XPO4: variants seen among roughly 807,000 people sequenced by gnomAD.
The protein encoded by XPO4 is exportin-4.
In XPO4, 39 loss-of-function variants were observed where a neutral mutation model predicts 143.0. The ratio of observed to expected loss-of-function variants is 0.27; its 90% CI spans 0.21 to 0.36. The LOEUF (loss-of-function observed/expected upper bound fraction) is 0.36. XPO4 is among the 10% of genes least tolerant of loss of function. XPO4 has a pLI of 1.00. For synonymous variants in XPO4, 439 were observed against 474.0 expected, an observed-to-expected ratio of 0.93 and a Z score of 0.96; for missense variants, 907 against 1,348.0, an observed-to-expected ratio of 0.67 and a Z score of 5.12.
At chr13:20,855,845 A>G (rs2060138191) in intron 3 of XPO4, 80 bp from the exon 4 acceptor site, 3 of 1,380,462 alleles carry the variant, frequency 2.2e-6, no homozygotes, top group Non-Finnish European at 2.9e-6. Context: ...CTATGCCTGA[A>G]GCTACTAATA....
chr13:20,795,718 C>T (rs1034900016), intron 18 of XPO4, among the ~76,000 whole-genome samples: 4 of 152,128 alleles, frequency 2.6e-5, no homozygotes, highest in Admixed American at 6.5e-5. Context: ...GGATTTGAAT[C>T]CCAGTCCTGG....
At position 20,782,250 on chromosome 13, in the gene XPO4, G is replaced by C. The variant is rs1253969871; in HGVS notation, c.*1472C>G. 6.6e-6 allele frequency: 1 copy of C among 152,256 alleles called. No homozygotes were observed. Among genetic ancestry groups the C allele is most frequent in the African/African-American group, 2.4e-5 (1 of 41,470 alleles). 9.4% of individuals were successfully genotyped at this position (152,256 alleles called of 1,614,324 possible). A position where few individuals can be genotyped will look rare whatever the true frequency, so the allele number is the denominator to read the frequency against. On this transcript the variant is annotated 3_prime_UTR_variant, in exon 23 of 23. Transcript: ENST00000255305. ...ATTTGCAGAATGGTTTAATAGATAG[G>C]TGTCAGGAACATGGTGGAAGCAGAG...
At chr13:20,787,428 G>GACC in intron 21 of XPO4, 53 bp downstream of exon 21, 1 of 1,514,102 alleles carries the variant, frequency 6.6e-7, no homozygotes, top group Non-Finnish European at 9.2e-7. Flanking sequence ...TATGTGCACC[G>GACC]ACCACACTTT....
rs1291588383 is a variant in XPO4, at chr13:20,796,614, GTTC to G, written c.2616+147_2616+149del. On this transcript the variant is annotated intron_variant, in intron 17 of 22. Transcript: ENST00000255305. ...CAACATGACTTTCTCTAAATTATAA[GTTC>G]TTTTCAAAAATCTTTTTTAAAAATC... 6.0e-5 allele frequency: 43 copies of G among 716,098 alleles called. No individual in the cohort carries two copies. The Middle Eastern group carries it at 2.2e-3, about 37-fold the overall frequency. 44.4% of individuals were successfully genotyped at this position (716,098 alleles called of 1,614,324 possible). A position where few individuals can be genotyped will look rare whatever the true frequency, so the allele number is the denominator to read the frequency against.
chr13:20,783,722 T>C lies in XPO4; in HGVS notation c.3456A>G (p.Ter1152=). ...ANVGGLLCVK[*] ...TAAATTAAGCATAAAGTTCTGTTGT[T>C]TATTTTACACAAAGGAGACCACCAA... The change falls in exon 23 of 23, where the codon TAA becomes TAG. Residue 1152 remains the stop codon, a stop_retained_variant. Coordinates refer to ENST00000255305, the MANE Select transcript of XPO4 (RefSeq NM_022459.5). The C allele has an allele frequency of 6.2e-7, 1 of 1,614,126 alleles. No individual in the cohort carries two copies.
In XPO4 at chr13:20,812,897, A is replaced by G. The variant is rs981867477; in HGVS notation, c.1174-2930T>C. ...TTTAAATACAGAAAAAAAGTGAAAAAGCCATAAAAAAGAATAGATCTGTGT... is the reference window on the plus strand; with the variant it reads ...TTTAAATACAGAAAAAAAGTGAAAAGGCCATAAAAAAGAATAGATCTGTGT... On this transcript the variant is annotated intron_variant, in intron 9 of 22. Coordinates refer to ENST00000255305, the MANE Select transcript of XPO4 (RefSeq NM_022459.5). Among the ~76,000 whole-genome samples, 4 of 152,296 alleles carry G rather than the reference A, an allele frequency of 2.6e-5. No homozygotes were observed. The East Asian group carries it at 7.7e-4, about 29-fold the overall frequency.
At chr13:20,804,439 A>G (rs2059477696) in intron 13 of XPO4, among the ~76,000 whole-genome samples, 1 of 152,196 alleles carries the variant, frequency 6.6e-6, no homozygotes, top group Admixed American at 6.5e-5. Flanking sequence ...TGCAAGATCC[A>G]AGAACCCTCA....
chr13:20,787,819 T>C (rs1256974191), intron 20 of XPO4, among the ~76,000 whole-genome samples: 1 of 152,190 alleles, frequency 6.6e-6, no homozygotes, highest in Non-Finnish European at 1.5e-5. Context: ...TGGTGATGTA[T>C]AGCTTGTTTC....
At chr13:20,826,985 G>T in intron 7 of XPO4, 82 bp downstream of exon 7, 2 of 920,386 alleles carry the variant, frequency 2.2e-6, no homozygotes, top group Non-Finnish European at 3.6e-6. Context: ...AAAGCAATCT[G>T]TTCTGTTTTA....
intron 4 of XPO4, chr13:20,848,393 T>G: frequency 1.0e-6 from 1 of 985,398 alleles, no homozygotes. Flanking sequence ...TGACCTCAGC[T>G]TTCTCATCTA....
Position 20,902,033 on chromosome 13 carries a change from A to C in XPO4, c.69+637T>G, listed in dbSNP as rs561677591. The C allele has an allele frequency of 9.1e-5, 88 of 963,908 alleles. No homozygotes were observed. The African/African-American group carries it at 1.1e-3, about 12-fold the overall frequency. 59.7% of individuals were successfully genotyped at this position (963,908 alleles called of 1,614,324 possible). A position where few individuals can be genotyped will look rare whatever the true frequency, so the allele number is the denominator to read the frequency against. On this transcript the variant is annotated intron_variant, in intron 1 of 22. Transcript: ENST00000255305. ...TAAGCATGAAGTCAAAGAGTAGCAT[A>C]GACTCAGTTCTCCAAATCGCGGGAG...
intron 2 of XPO4, chr13:20,863,189 A>G: frequency 1.1e-6 from 1 of 900,110 alleles, no homozygotes; most frequent in Non-Finnish European, 1.3e-6. Context: ...AAATTTCCTA[A>G]GATTCTCACC....
At chr13:20,868,384 TA>T (rs2060262991) in intron 2 of XPO4, 6 of 673,432 alleles carry the variant, frequency 8.9e-6, no homozygotes, top group Non-Finnish European at 1.3e-5. Context: ...ACACTATATC[TA>T]GGGGGGAAAA....
chr13:20,891,122 TAAAAAAAAAA>T lies in XPO4; in HGVS notation c.69+11538_69+11547del, dbSNP rs57528913. Among the ~76,000 whole-genome samples, 24 of 85,972 alleles carry T rather than the reference TAAAAAAAAAA, an allele frequency of 2.8e-4. 1 individual carries two copies. Among genetic ancestry groups the T allele is most frequent in the Admixed American group, 1.9e-3 (13 of 6,850 alleles). The allele number at this position is 85,972 out of a possible 152,430, so 56.4% of individuals were successfully genotyped here. A position where few individuals can be genotyped will look rare whatever the true frequency, so the allele number is the denominator to read the frequency against. ...ACAAGAGCAAAACTCCATCTCAATT[TAAAAAAAAAA>T]AAAAAAAAAAAAAAAAAAGAACAAA... On this transcript the variant is annotated intron_variant, in intron 1 of 22. Coordinates refer to ENST00000255305, the MANE Select transcript of XPO4 (RefSeq NM_022459.5).
intron 9 of XPO4, among the ~76,000 whole-genome samples, chr13:20,811,281 C>CT (rs1284828034): frequency 6.7e-6 from 1 of 148,840 alleles, no homozygotes; most frequent in Non-Finnish European, 1.5e-5. Flanking sequence ...AGATAGAATG[C>CT]TTTTTTCTTT....
intron 4 of XPO4, chr13:20,849,349 CAA>C (rs1420320895): frequency 3.0e-6 from 3 of 985,210 alleles, no homozygotes; most frequent in East Asian, 1.1e-4. Context: ...TCTAGTATGG[CAA>C]AGAGGAAGAA....
At chr13:20,851,483 C>T (rs1448046338) in intron 4 of XPO4, 2 of 957,492 alleles carry the variant, frequency 2.1e-6, no homozygotes, top group African/African-American at 3.5e-5. Context: ...CCAAGGTGGG[C>T]AGATTGCTTG....
chr13:20,857,870 T>C (rs922189785), intron 3 of XPO4: 2 of 985,408 alleles, frequency 2.0e-6, no homozygotes, highest in Non-Finnish European at 2.4e-6. Flanking sequence ...AAGGACATTG[T>C]GCATTTCACT....
chr13:20,852,810 T>C (rs1188903185), intron 4 of XPO4: 1 of 984,912 alleles, frequency 1.0e-6, no homozygotes, highest in Non-Finnish European at 1.2e-6. Context: ...TTTATGTAGA[T>C]ATCCATTATT....
Sources: gnomAD v4.1 joint callset for allele counts (sites outside exome capture counted in the v4.1 genomes callset) on GRCh38, gnomAD v4.1.1 for gene constraint, MANE v1.5 for transcripts, NCBI Gene and HGNC (gene_info 2026-07-23, HGNC 2026-07-21) for gene names.